Variants in SLC35E2B observed in about 807,000 individuals in gnomAD.
The protein encoded by SLC35E2B is solute carrier family 35 member E2B.
Under a neutral mutation model 32.4 loss-of-function variants are expected in SLC35E2B, and 18 were observed. The observed-to-expected ratio is 0.56, with a 90% confidence interval of 0.38 to 0.82. The LOEUF is 0.82. Among genes scored for constraint, SLC35E2B ranks in the 40% least tolerant of loss-of-function variants. SLC35E2B has a pLI of 0.00. For synonymous variants in SLC35E2B, 132 were observed against 209.1 expected, an observed-to-expected ratio of 0.63 and a Z score of 3.18; for missense variants, 263 against 469.5, an observed-to-expected ratio of 0.56 and a Z score of 4.06.
chr1:1,681,379 G>A (rs929036295), intron 2 of SLC35E2B, among the ~76,000 whole-genome samples: 1 of 150,352 alleles, frequency 6.7e-6, no homozygotes, highest in Non-Finnish European at 1.5e-5. Context: ...GTTTTTTTTT[G>A]TATTTTTTTA....
At chr1:1,671,352 G>T in intron 6 of SLC35E2B, 157 bp downstream of exon 6, 1 of 819,092 alleles carries the variant, frequency 1.2e-6, no homozygotes, top group Non-Finnish European at 1.7e-6. Flanking sequence ...TTACCTGCCG[G>T]GGATACCTGT....
chr1:1,671,635 G>T lies in SLC35E2B; in HGVS notation c.587-6C>A, dbSNP rs1004960278. ...GGAGAGGTTGACCAGCAGCCCTGGC[G>T]AGAGGACAGCCCCTGTGAGTGGCTG... On this transcript the variant is annotated splice_region_variant and splice_polypyrimidine_tract_variant and intron_variant, in intron 5 of 9. Transcript: ENST00000617444. 6.5e-7 allele frequency: 1 copy of T among 1,539,522 alleles called. No individual in the cohort carries two copies. The highest frequency in any genetic ancestry group is 1.2e-5 in the South Asian group (1 of 82,206).
intron 2 of SLC35E2B, among the ~76,000 whole-genome samples, chr1:1,687,170 CG>C (rs1323317068): frequency 6.6e-6 from 1 of 152,164 alleles, no homozygotes; most frequent in African/African-American, 2.4e-5. Flanking sequence ...AACGGATGGG[CG>C]GACGGGCGAC....
Position 1,671,564 on chromosome 1 carries a change from T to G in SLC35E2B, c.652A>C (p.Ile218Leu), listed in dbSNP as rs1053507205. ...GGLALCTATEISFNVLGFSAA... is the reference protein window; with the variant it reads ...GGLALCTATELSFNVLGFSAA... ...GAGAACCCCAGGACATTGAAGCTGA[T>G]CTCAGTGGCCGTGCACAGCGCCAGC... Residue 218 changes from isoleucine (I) to leucine (L), a missense_variant, in exon 6 of 10, where the codon ATC becomes CTC. Around this residue, in one of 7 missense-constraint regions of SLC35E2B, gnomAD observed 129 missense variants for 164.5 expected, o/e 0.78. Coordinates refer to ENST00000617444, the MANE Select transcript of SLC35E2B (RefSeq NM_001290264.2). The G allele has an allele frequency of 1.9e-6, 3 of 1,549,448 alleles. No individual in the cohort carries two copies. The highest frequency in any genetic ancestry group is 4.9e-5 in the East Asian group (2 of 40,674).
chr1:1,680,729 A>T (rs1643893290), intron 2 of SLC35E2B, among the ~76,000 whole-genome samples: 1 of 151,438 alleles, frequency 6.6e-6, no homozygotes, highest in African/African-American at 2.4e-5. Flanking sequence ...CCAAGGCCGC[A>T]GGAGGAGGCG....
chr1:1,674,913 CTGGGTACGCGACA>C (rs1557757475), intron 5 of SLC35E2B, among the ~76,000 whole-genome samples: 1 of 152,144 alleles, frequency 6.6e-6, no homozygotes, highest in East Asian at 1.9e-4. Flanking sequence ...TGCAGCCACA[CTGGGTACGCGACA>C]TGGGGCTGAC....
intron 2 of SLC35E2B, among the ~76,000 whole-genome samples, chr1:1,690,323 T>TATATATATATATATATAC (rs1557768927): frequency 7.0e-6 from 1 of 142,074 alleles, no homozygotes; most frequent in African/African-American, 2.6e-5. Context: ...TATATATATA[T>TATATATATATATATATAC]ACATACCATA....
intron 9 of SLC35E2B, among the ~76,000 whole-genome samples, chr1:1,666,610 C>T (rs910451851): frequency 1.3e-5 from 2 of 152,198 alleles, no homozygotes; most frequent in Non-Finnish European, 2.9e-5. Flanking sequence ...AGAACATCAC[C>T]GGGCGCAGCG....
At chr1:1,667,420 T>TAAAA (rs371518513) in intron 9 of SLC35E2B, among the ~76,000 whole-genome samples, 4 of 21,200 alleles carry the variant, frequency 1.9e-4, no homozygotes, top group African/African-American at 6.3e-4. Flanking sequence ...CTCAAAAAAA[T>TAAAA]AAATAAATAA....
intron 2 of SLC35E2B, among the ~76,000 whole-genome samples, chr1:1,687,048 T>C (rs1199215545): frequency 6.6e-6 from 1 of 151,976 alleles, no homozygotes; most frequent in Non-Finnish European, 1.5e-5. Context: ...AGAGTGAGAC[T>C]CCGTCTCAAA....
chr1:1,680,662 T>C (rs984625442), intron 2 of SLC35E2B, among the ~76,000 whole-genome samples: 1 of 152,070 alleles, frequency 6.6e-6, no homozygotes, highest in East Asian at 1.9e-4. Flanking sequence ...CCTCCCAATC[T>C]GCAGGACTTC....
rs1570299454 is a variant in SLC35E2B at position 1,662,821 on chromosome 1, G to A, written c.*2961C>T. 8 of 812,560 alleles carry A rather than the reference G, an allele frequency of 9.8e-6. 1 individual carries two copies. The highest frequency in any genetic ancestry group is 5.2e-5 in the South Asian group (1 of 19,120). The allele number at this position is 812,560 out of a possible 1,614,324, so 50.3% of individuals were successfully genotyped here. A position where few individuals can be genotyped will look rare whatever the true frequency, so the allele number is the denominator to read the frequency against. On this transcript the variant is annotated 3_prime_UTR_variant, in exon 10 of 10. Transcript: ENST00000617444. ...GTTCGTTTACAAAAGCACAGACCACGACCATGGACACACCCAGTGGAAGTA... is the reference window on the plus strand; with the variant it reads ...GTTCGTTTACAAAAGCACAGACCACAACCATGGACACACCCAGTGGAAGTA...
chr1:1,677,311 C>T (rs1191710853), intron 2 of SLC35E2B, among the ~76,000 whole-genome samples: 7 of 148,584 alleles, frequency 4.7e-5, no homozygotes, highest in Non-Finnish European at 7.4e-5. Context: ...CGCGTGTTGG[C>T]GGATCCTTGC....
At chr1:1,670,181 A>G in intron 6 of SLC35E2B, 30 bp from the exon 7 acceptor site, 1 of 1,497,560 alleles carries the variant, frequency 6.7e-7, no homozygotes, top group Non-Finnish European at 9.1e-7. Flanking sequence ...TTATGCATCA[A>G]TACTAGTCCT....
At chr1:1,686,988 G>A (rs529719596) in intron 2 of SLC35E2B, among the ~76,000 whole-genome samples, 2 of 152,082 alleles carry the variant, frequency 1.3e-5, no homozygotes, top group East Asian at 1.9e-4. Flanking sequence ...CCCAGGAGGC[G>A]GAGCTTGCAG....
intron 2 of SLC35E2B, among the ~76,000 whole-genome samples, chr1:1,686,317 T>C (rs1436751939): frequency 3.1e-5 from 4 of 128,412 alleles, no homozygotes; most frequent in African/African-American, 9.4e-5. Context: ...TTTTCTTTTT[T>C]TTTCTTTTTT....
At chr1:1,681,768 G>A (rs575364344) in intron 2 of SLC35E2B, among the ~76,000 whole-genome samples, 8 of 150,244 alleles carry the variant, frequency 5.3e-5, no homozygotes, top group African/African-American at 1.2e-4. Flanking sequence ...GAGGGATCCC[G>A]AGGTCAGGAG....
intron 2 of SLC35E2B, among the ~76,000 whole-genome samples, chr1:1,685,248 C>T (rs1643936819): frequency 6.6e-6 from 1 of 151,348 alleles, no homozygotes; most frequent in Admixed American, 6.6e-5. Context: ...ATGACGAAAC[C>T]TCATCTCTAC....
intron 2 of SLC35E2B, among the ~76,000 whole-genome samples, chr1:1,679,793 T>C (rs1476136265): frequency 6.3e-5 from 9 of 142,116 alleles, no homozygotes; most frequent in South Asian, 4.4e-4. Context: ...GATCGCGCCA[T>C]TGCACCCCAG....
Sources: gnomAD v4.1 joint callset for allele counts (sites outside exome capture counted in the v4.1 genomes callset) on GRCh38, gnomAD v4.1.1 for gene constraint, gnomAD v4.1.1 regional missense constraint, MANE v1.5 for transcripts, NCBI Gene and HGNC (gene_info 2026-07-23, HGNC 2026-07-21) for gene names.